Variants in KCNMA1 observed in about 807,000 individuals in gnomAD.
KCNMA1 encodes the protein potassium calcium-activated channel subfamily M alpha 1, also known as Calcium-activated potassium channel subunit alpha-1.
Under a neutral mutation model 140.0 loss-of-function variants are expected in KCNMA1, and 29 were observed. The observed-to-expected ratio is 0.21, with a 90% CI of 0.15 to 0.28. The LOEUF is 0.28. Ranked by LOEUF, KCNMA1 falls within the 10% of genes least tolerant of loss-of-function variation. KCNMA1 has a pLI of 1.00. For synonymous variants in KCNMA1, 612 were observed against 611.9 expected, an observed-to-expected ratio of 1.00 and a Z score of 0.00; for missense variants, 880 against 1,602.2, an observed-to-expected ratio of 0.55 and a Z score of 7.70.
At chr10:77,369,808 T>C (rs1163774553) in intron 2 of KCNMA1, among the ~76,000 whole-genome samples, 2 of 152,182 alleles carry the variant, frequency 1.3e-5, no homozygotes, top group South Asian at 2.1e-4. Context: ...AAATGTCCAA[T>C]TGAATGAGTC....
At position 77,454,063 on chromosome 10, in the gene KCNMA1, G is replaced by A. The variant is rs576146358; in HGVS notation, c.379-50040C>T. ...AACTGTTTCCATACAACTTGATCAT[G>A]TCCCAGAAAATAAGCTCAAGAATGT... On this transcript the variant is annotated intron_variant, in intron 1 of 27. Coordinates refer to ENST00000286628, the MANE Select transcript of KCNMA1 (RefSeq NM_001161352.2). Among the ~76,000 whole-genome samples the A allele has an allele frequency of 2.4e-4, 36 of 152,284 alleles. 1 individual carries two copies. The South Asian group carries it at 7.2e-3, about 31-fold the overall frequency.
intron 12 of KCNMA1, among the ~76,000 whole-genome samples, chr10:77,083,854 G>A (rs1023601627): frequency 6.6e-5 from 10 of 151,264 alleles, no homozygotes; most frequent in Non-Finnish European, 1.0e-4. Flanking sequence ...AAACGGGGGG[G>A]GGTTGGGGGA....
Position 77,623,475 on chromosome 10 carries a change from T to G in KCNMA1, c.378+13790A>C, listed in dbSNP as rs368322214. On this transcript the variant is annotated intron_variant, in intron 1 of 27. Coordinates refer to ENST00000286628, the MANE Select transcript of KCNMA1 (RefSeq NM_001161352.2). ...CTCTGGGAGGCCGAGGCAGGTGGAG[T>G]ACTTGAGATCAGGAGTTCAAGACCA... 7.3e-5 allele frequency among the ~76,000 whole-genome samples: 11 copies of G among 151,232 alleles called. 1 individual carries two copies. The highest frequency in any genetic ancestry group is 2.7e-4 in the African/African-American group (11 of 41,194).
chr10:76,960,121 G>A (rs1046334885), intron 20 of KCNMA1, among the ~76,000 whole-genome samples: 8 of 152,158 alleles, frequency 5.3e-5, no homozygotes, highest in Admixed American at 1.3e-4. Flanking sequence ...AACCAGCATC[G>A]CAGGCATTTA....
chr10:77,462,384 T>A (rs2097893255), intron 1 of KCNMA1, among the ~76,000 whole-genome samples: 1 of 151,394 alleles, frequency 6.6e-6, no homozygotes, highest in Non-Finnish European at 1.5e-5. Context: ...CACTTAGACG[T>A]AAAAACACAT....
At chr10:77,554,729 C>G (rs2063779116) in intron 1 of KCNMA1, among the ~76,000 whole-genome samples, 1 of 151,958 alleles carries the variant, frequency 6.6e-6, no homozygotes, top group Non-Finnish European at 1.5e-5. Flanking sequence ...CCCAAGGAGC[C>G]CACAAACTTT....
At chr10:77,456,431 C>T (rs903256774) in intron 1 of KCNMA1, among the ~76,000 whole-genome samples, 2 of 152,204 alleles carry the variant, frequency 1.3e-5, no homozygotes, top group South Asian at 2.1e-4. Flanking sequence ...TATCTCCACA[C>T]TTATCATAAT....
intron 19 of KCNMA1, among the ~76,000 whole-genome samples, chr10:76,992,744 G>A (rs1250856045): frequency 6.6e-6 from 1 of 152,114 alleles, no homozygotes; most frequent in Non-Finnish European, 1.5e-5. Flanking sequence ...CATAAGTAAG[G>A]ACACAGACAA....
intron 3 of KCNMA1, among the ~76,000 whole-genome samples, chr10:77,211,535 T>A (rs1007221754): frequency 1.3e-5 from 2 of 152,148 alleles, no homozygotes; most frequent in African/African-American, 4.8e-5. Context: ...CATCTCAACA[T>A]CAGCCTTGGC....
intron 19 of KCNMA1, chr10:76,995,729 A>C: frequency 2.1e-6 from 1 of 468,892 alleles, no homozygotes; most frequent in Non-Finnish European, 4.4e-6. Context: ...ATAAAAAAGC[A>C]AACATAATTT....
chr10:77,404,921 C>G (rs2096418067), intron 1 of KCNMA1, among the ~76,000 whole-genome samples: 1 of 152,176 alleles, frequency 6.6e-6, no homozygotes, highest in Non-Finnish European at 1.5e-5. Context: ...AGAATGAAGC[C>G]ACTGCAGAGA....
At chr10:77,206,930 C>G (rs2044331552) in intron 3 of KCNMA1, among the ~76,000 whole-genome samples, 1 of 152,070 alleles carries the variant, frequency 6.6e-6, no homozygotes, top group African/African-American at 2.4e-5. Context: ...CTGCTCCCAC[C>G]TCACTTCCTA....
chr10:77,329,528 G>A (rs942286069), intron 2 of KCNMA1, among the ~76,000 whole-genome samples: 4 of 152,142 alleles, frequency 2.6e-5, no homozygotes, highest in African/African-American at 9.7e-5. Flanking sequence ...CCTTGATCTT[G>A]GATTGCCCAG....
At chr10:77,636,992 C>T in intron 1 of KCNMA1, 1 of 1,409,802 alleles carries the variant, frequency 7.1e-7, no homozygotes, top group Non-Finnish European at 9.2e-7. Flanking sequence ...GCCCCAGCCG[C>T]AGCCGCCAAC....
intron 2 of KCNMA1, among the ~76,000 whole-genome samples, chr10:77,310,868 C>A (rs2079077985): frequency 6.6e-6 from 1 of 152,168 alleles, no homozygotes; most frequent in African/African-American, 2.4e-5. Context: ...ACAGAAAAGT[C>A]TATTTATTTT....
chr10:77,461,226 CTCT>C (rs1291239488), intron 1 of KCNMA1, among the ~76,000 whole-genome samples: 1 of 25,712 alleles, frequency 3.9e-5, no homozygotes, highest in Non-Finnish European at 7.3e-5. Context: ...CTTGTACTCC[CTCT>C]TTTTTTTTTT....
chr10:77,440,134 C>T (rs1340180297), intron 1 of KCNMA1, among the ~76,000 whole-genome samples: 2 of 152,054 alleles, frequency 1.3e-5, no homozygotes, highest in Admixed American at 6.6e-5. Flanking sequence ...TTACAAATGA[C>T]GCCACACCAA....
chr10:77,111,971 T>G (rs937146933), intron 7 of KCNMA1, among the ~76,000 whole-genome samples: 1 of 152,138 alleles, frequency 6.6e-6, no homozygotes, highest in Non-Finnish European at 1.5e-5. Context: ...GGAAAGAAAT[T>G]GAGGGATCTG....
rs554614833 is a variant in KCNMA1 at position 77,237,219 on chromosome 10, C to T, written c.602+13976G>A. ...TTCAAGCTGGGCACTGTACTAAGAG[C>T]CTTTCCATGCAGTGTCTAATTGTTT... On this transcript the variant is annotated intron_variant, in intron 3 of 27. Coordinates refer to ENST00000286628, the MANE Select transcript of KCNMA1 (RefSeq NM_001161352.2). Among the ~76,000 whole-genome samples the T allele has an allele frequency of 2.0e-5, 3 of 152,324 alleles. No homozygotes were observed. The East Asian group carries it at 5.8e-4, about 29-fold the overall frequency.
Sources: gnomAD v4.1 joint callset for allele counts (sites outside exome capture counted in the v4.1 genomes callset) on GRCh38, gnomAD v4.1.1 for gene constraint, MANE v1.5 for transcripts, NCBI Gene and HGNC (gene_info 2026-07-23, HGNC 2026-07-21) for gene names.